The following CDV3 variants were observed in gnomAD, a reference collection of about 807,000 sequenced individuals.
CDV3 encodes the protein protein CDV3 homolog.
CDV3 carries 14 observed loss-of-function variants against 24.5 expected under a neutral mutation model. The observed-to-expected ratio is 0.57, with a 90% CI of 0.38 to 0.89. CDV3 has a LOEUF of 0.89. Ranked by LOEUF, CDV3 falls within the 40% of genes least tolerant of loss-of-function variation. CDV3 has a pLI of 0.00. For missense variants in CDV3, 304 were observed against 310.2 expected (o/e 0.98, Z 0.15); for synonymous variants, 114 against 114.1 (o/e 1.00, Z 0.00).
At chr3:133,587,104 A>G (rs1017064485) in intron 4 of CDV3, 3 of 923,472 alleles carry the variant, frequency 3.2e-6, no homozygotes, top group South Asian at 2.5e-5. Flanking sequence ...TAATGTGACT[A>G]TAGACAGAAG....
intron 2 of CDV3, among the ~76,000 whole-genome samples, chr3:133,578,161 A>AC (rs1476892026): frequency 2.0e-5 from 3 of 151,796 alleles, no homozygotes; most frequent in African/African-American, 7.3e-5. Context: ...GACTAATCTT[A>AC]CTTTTTTTTT....
At chr3:133,578,240 G>A (rs2074891229) in intron 2 of CDV3, among the ~76,000 whole-genome samples, 2 of 152,066 alleles carry the variant, frequency 1.3e-5, no homozygotes, top group Non-Finnish European at 2.9e-5. Context: ...TCAAAGCAAA[G>A]GAATCACACG....
chr3:133,577,409 G>A (rs529902604), intron 2 of CDV3, among the ~76,000 whole-genome samples: 3 of 150,582 alleles, frequency 2.0e-5, no homozygotes, highest in Admixed American at 6.6e-5. Flanking sequence ...TGCACAGGCT[G>A]GAGTGCAATG....
intron 2 of CDV3, among the ~76,000 whole-genome samples, chr3:133,576,226 A>G (rs2074800606): frequency 6.6e-6 from 1 of 152,228 alleles, no homozygotes; most frequent in African/African-American, 2.4e-5. Context: ...ATAATGGGAA[A>G]CTTTCAGGAA....
At chr3:133,585,578 T>A (rs1332624176) in intron 3 of CDV3, among the ~76,000 whole-genome samples, 2 of 151,672 alleles carry the variant, frequency 1.3e-5, no homozygotes, top group Non-Finnish European at 2.9e-5. Flanking sequence ...CACTGCAACC[T>A]CCGCCTCCCG....
Position 133,587,959 on chromosome 3 carries a change from TTC to T in CDV3, c.691_692del (p.Ser231LysfsTer6), listed in dbSNP as rs1417015365. 1.2e-6 allele frequency: 2 copies of T among 1,614,068 alleles called. No homozygotes were observed. Among genetic ancestry groups the T allele is most frequent in the African/African-American group, 2.7e-5 (2 of 75,024 alleles). On this transcript the variant is annotated frameshift_variant, in exon 5 of 5. Transcript: ENST00000264993. LOFTEE classifies it high-confidence loss of function. ...ACAAAAATAGAGGTAGGGATGAGGT[TTC>T]AAAAAACCAGGCCCTTAAACTTCAG... ...RHKNRGRDEV[S>X]KNQALKLQLD...
chr3:133,587,984 C>G lies in CDV3; in HGVS notation c.715C>G (p.Gln239Glu), dbSNP rs151259171. 1 of 1,614,086 alleles carries G rather than the reference C, an allele frequency of 6.2e-7. No homozygotes were observed. The highest frequency in any genetic ancestry group is 1.3e-5 in the African/African-American group (1 of 75,026). The change falls in exon 5 of 5, where the codon CAG (glutamine) becomes GAG (glutamate). Residue 239 changes from glutamine to glutamate, a missense_variant. Physicochemically the swap from Gln to Glu is conservative, Grantham distance 29. Coordinates refer to ENST00000264993, the MANE Select transcript of CDV3 (RefSeq NM_017548.5). ...TTCAAAAAACCAGGCCCTTAAACTT[C>G]AGCTAGACAACCAATATGCTGTGCT... Reference protein sequence around the residue: ...EVSKNQALKLQLDNQYAVLEN... With the variant: ...EVSKNQALKLELDNQYAVLEN...
At chr3:133,584,566 C>A (rs1385901576) in intron 3 of CDV3, among the ~76,000 whole-genome samples, 1 of 152,068 alleles carries the variant, frequency 6.6e-6, no homozygotes, top group Non-Finnish European at 1.5e-5. Context: ...GGGTTTAACT[C>A]CAAAAGTTTT....
chr3:133,579,028 T>TA (rs1339141398), intron 2 of CDV3, among the ~76,000 whole-genome samples: 1 of 152,200 alleles, frequency 6.6e-6, no homozygotes, highest in African/African-American at 2.4e-5. Flanking sequence ...TGTGAAATAA[T>TA]AGAGCCTCTA....
chr3:133,574,708 G>A (rs536072726), intron 1 of CDV3: 1 of 1,088,052 alleles, frequency 9.2e-7, no homozygotes, highest in East Asian at 7.2e-5. Context: ...TAGTCTCTAA[G>A]CCCGTGAAAG....
intron 3 of CDV3, among the ~76,000 whole-genome samples, chr3:133,584,856 C>T (rs1405762864): frequency 1.3e-5 from 2 of 152,036 alleles, no homozygotes; most frequent in East Asian, 1.9e-4. Context: ...TATAGTATAT[C>T]GCAGTATTAA....
rs902574046 is a variant in CDV3, at chr3:133,588,537, G to T, written c.*491G>T. On this transcript the variant is annotated 3_prime_UTR_variant, in exon 5 of 5. Transcript: ENST00000264993. ...AAGTCAGCCATCTGGGTTCTGATCT[G>T]CTGTAAAAGATGAAGATTTAAGTGA... 7 of 666,532 alleles carry T rather than the reference G, an allele frequency of 1.1e-5. No homozygotes were observed. The highest frequency in any genetic ancestry group is 1.8e-5 in the Non-Finnish European group (7 of 390,798). 41.3% of individuals were successfully genotyped at this position (666,532 alleles called of 1,614,324 possible). A position where few individuals can be genotyped will look rare whatever the true frequency, so the allele number is the denominator to read the frequency against.
intron 2 of CDV3, 57 bp downstream of exon 2, chr3:133,575,172 G>A (rs1408285080): frequency 1.0e-6 from 1 of 956,480 alleles, no homozygotes; most frequent in African/African-American, 1.6e-5. Context: ...TTGGATACAA[G>A]TTAGGTTTTC....
Position 133,586,440 on chromosome 3 carries a change from GT to G in CDV3, c.467-122del, listed in dbSNP as rs1431316489. 8.1e-6 allele frequency: 5 copies of G among 614,690 alleles called. No individual in the cohort carries two copies. In the African/African-American group the frequency reaches 9.4e-5, roughly 12 times the overall value. The allele number at this position is 614,690 out of a possible 1,614,324, so 38.1% of individuals were successfully genotyped here. On this transcript the variant is annotated intron_variant, in intron 3 of 4. Transcript: ENST00000264993. ...TTTCTGAAATGAATTCCCTTCTGTG[GT>G]CTGACCCAGAGACCCTGGTATTGTT...
intron 2 of CDV3, 45 bp downstream of exon 2, chr3:133,575,160 T>TA (rs768329280): frequency 2.9e-5 from 30 of 1,030,612 alleles, no homozygotes; most frequent in Middle Eastern, 2.0e-4. Context: ...TTGGGATAGA[T>TA]ATTGGATACA....
intron 2 of CDV3, among the ~76,000 whole-genome samples, chr3:133,577,311 T>C (rs1248070480): frequency 6.6e-6 from 1 of 152,080 alleles, no homozygotes; most frequent in African/African-American, 2.4e-5. Flanking sequence ...GCTTTATCTT[T>C]TTCTATTTCT....
At chr3:133,574,506 C>A (rs573040651) in intron 1 of CDV3, 72 of 986,096 alleles carry the variant, frequency 7.3e-5, no homozygotes, top group Non-Finnish European at 8.5e-5. Context: ...CCGCGTCGCT[C>A]GGCGTTAGCC....
At chr3:133,584,959 T>C (rs1933433671) in intron 3 of CDV3, among the ~76,000 whole-genome samples, 1 of 152,212 alleles carries the variant, frequency 6.6e-6, no homozygotes, top group South Asian at 2.1e-4. Flanking sequence ...TTTAAAGAAG[T>C]GTATACTCAT....
Position 133,574,689 on chromosome 3 carries a change from G to A in CDV3, c.241-350G>A, listed in dbSNP as rs777798955. ...CAGCCGCATTTGTAGCAGCTCTTTT[G>A]TGATGACTTAGTCTCTAAGCCCGTG... is the stretch of plus-strand genomic sequence containing the variant. On this transcript the variant is annotated intron_variant, in intron 1 of 4. Transcript: ENST00000264993. 5.6e-4 allele frequency: 592 copies of A among 1,052,392 alleles called. 3 individuals carry two copies. The highest frequency in any genetic ancestry group is 6.7e-4 in the Non-Finnish European group (582 of 868,140). 65.2% of individuals were successfully genotyped at this position (1,052,392 alleles called of 1,614,324 possible). A position where few individuals can be genotyped will look rare whatever the true frequency, so the allele number is the denominator to read the frequency against.
Sources: gnomAD v4.1 joint callset for allele counts (sites outside exome capture counted in the v4.1 genomes callset) on GRCh38, gnomAD v4.1.1 for gene constraint, MANE v1.5 for transcripts, NCBI Gene and HGNC (gene_info 2026-07-23, HGNC 2026-07-21) for gene names.